The following NCAM2 variants were observed in gnomAD, a reference collection of about 807,000 sequenced individuals.
The protein encoded by NCAM2 is N-CAM-2.
NCAM2 carries 30 observed loss-of-function variants against 98.1 expected under a neutral mutation model. The ratio of observed to expected loss-of-function variants is 0.31; its 90% CI spans 0.23 to 0.41. NCAM2 has a LOEUF of 0.41. NCAM2 is among the 10% of genes least tolerant of loss of function. NCAM2 has a pLI of 1.00. For synonymous variants in NCAM2, 368 were observed against 342.4 expected, an observed-to-expected ratio of 1.07 and a Z score of -0.83; for missense variants, 867 against 1,005.8, an observed-to-expected ratio of 0.86 and a Z score of 1.87.
chr21:21,355,286 T>A (rs371509557), intron 8 of NCAM2, among the ~76,000 whole-genome samples: 1 of 151,156 alleles, frequency 6.6e-6, no homozygotes, highest in Non-Finnish European at 1.5e-5. Context: ...ATACAAAAAA[T>A]TAGCCGAGCC....
chr21:21,058,704 T>C (rs900480307), intron 1 of NCAM2, among the ~76,000 whole-genome samples: 1 of 151,984 alleles, frequency 6.6e-6, no homozygotes, highest in African/African-American at 2.4e-5. Flanking sequence ...ACTTCTACAT[T>C]GACCCATTGA....
intron 8 of NCAM2, among the ~76,000 whole-genome samples, chr21:21,344,263 C>A (rs1257127464): frequency 6.6e-6 from 1 of 152,088 alleles, no homozygotes; most frequent in Non-Finnish European, 1.5e-5. Flanking sequence ...ACGTCAAGGG[C>A]TTTGATAAGC....
At chr21:21,440,492 G>A (rs562652765) in intron 12 of NCAM2, among the ~76,000 whole-genome samples, 3 of 152,072 alleles carry the variant, frequency 2.0e-5, no homozygotes, top group Non-Finnish European at 4.4e-5. Context: ...GACCAACCTG[G>A]GCAACATGGC....
At chr21:21,308,914 T>G (rs1335346886) in intron 5 of NCAM2, among the ~76,000 whole-genome samples, 1 of 152,214 alleles carries the variant, frequency 6.6e-6, no homozygotes, top group Admixed American at 6.5e-5. Context: ...AATCTTTTCT[T>G]TGGCAATGTT....
At chr21:21,478,616 C>A (rs1440973371) in intron 15 of NCAM2, among the ~76,000 whole-genome samples, 1 of 151,806 alleles carries the variant, frequency 6.6e-6, no homozygotes, top group Non-Finnish European at 1.5e-5. Context: ...GATATTAGAG[C>A]TTTATATTGC....
In NCAM2 at chr21:21,183,521, G is replaced by A. The variant is rs140248070; in HGVS notation, c.56-97057G>A. ...TGGGAGGTAAGGACATGAGGAAATG[G>A]TAAGGGGAGAGACCTTGTTAATCTT... On this transcript the variant is annotated intron_variant, in intron 1 of 17. Coordinates refer to ENST00000400546, the MANE Select transcript of NCAM2 (RefSeq NM_004540.5). 2.1e-3 allele frequency among the ~76,000 whole-genome samples: 322 copies of A among 152,230 alleles called. 2 individuals are homozygous for A. The highest frequency in any genetic ancestry group is 7.5e-3 in the African/African-American group (313 of 41,538).
intron 1 of NCAM2, among the ~76,000 whole-genome samples, chr21:21,135,352 A>G (rs2067027113): frequency 6.6e-6 from 1 of 151,666 alleles, no homozygotes; most frequent in South Asian, 2.1e-4. Flanking sequence ...GTTGTATTTC[A>G]TTTTTGTGCC....
Position 21,410,311 on chromosome 21 carries a change from C to T in NCAM2, c.1233C>T (p.Tyr411=). The T allele has an allele frequency of 1.3e-6, 2 of 1,587,124 alleles. No homozygotes were observed. Among genetic ancestry groups the T allele is most frequent in the Non-Finnish European group, 1.7e-6 (2 of 1,165,902 alleles). ...PKFISNQTIY[Y]SWEGNPINIS... ...TTATATCAAACCAAACAATTTATTACTCTTGGGAAGGAAATCCTATCAATA... is the reference window on the plus strand; with the variant it reads ...TTATATCAAACCAAACAATTTATTATTCTTGGGAAGGAAATCCTATCAATA... The change falls in exon 10 of 18, where the codon TAC becomes TAT. Residue 411 remains tyrosine, a synonymous_variant. Coordinates refer to ENST00000400546, the MANE Select transcript of NCAM2 (RefSeq NM_004540.5).
intron 1 of NCAM2, among the ~76,000 whole-genome samples, chr21:21,096,023 CA>C (rs1448575009): frequency 6.6e-6 from 1 of 151,566 alleles, no homozygotes; most frequent in East Asian, 1.9e-4. Context: ...TTATGAGAAA[CA>C]GGAAAGACCT....
intron 1 of NCAM2, among the ~76,000 whole-genome samples, chr21:21,164,843 A>G (rs560085524): frequency 6.6e-6 from 1 of 152,296 alleles, no homozygotes; most frequent in South Asian, 2.1e-4. Flanking sequence ...CTCTCATGTG[A>G]AGAAAAGACA....
intron 1 of NCAM2, among the ~76,000 whole-genome samples, chr21:21,079,400 C>T (rs2065746274): frequency 6.6e-6 from 1 of 152,026 alleles, no homozygotes; most frequent in African/African-American, 2.4e-5. Context: ...AAGATGAAAA[C>T]ACATTTCTGA....
intron 15 of NCAM2, among the ~76,000 whole-genome samples, chr21:21,477,809 A>G (rs1480916784): frequency 6.6e-6 from 1 of 152,182 alleles, no homozygotes; most frequent in Non-Finnish European, 1.5e-5. Context: ...TTCTCTGCCA[A>G]TCATGTGGAG....
intron 1 of NCAM2, among the ~76,000 whole-genome samples, chr21:21,159,430 T>C (rs1277207842): frequency 1.3e-5 from 2 of 152,208 alleles, no homozygotes; most frequent in Non-Finnish European, 2.9e-5. Context: ...TGAGGTCATG[T>C]CCTGCAAGCT....
At chr21:21,284,053 T>C (rs1031444918) in intron 2 of NCAM2, 141 bp from the exon 3 acceptor site, 15 of 655,612 alleles carry the variant, frequency 2.3e-5, no homozygotes, top group Non-Finnish European at 3.9e-5. Flanking sequence ...TTACTTTAAG[T>C]TTTGTAAGAT....
At chr21:21,372,120 A>C (rs1237651911) in intron 8 of NCAM2, among the ~76,000 whole-genome samples, 1 of 151,858 alleles carries the variant, frequency 6.6e-6, no homozygotes, top group African/African-American at 2.4e-5. Context: ...AAATAATGAC[A>C]CATTATATAA....
At chr21:21,508,077 A>G (rs761493843) in intron 15 of NCAM2, among the ~76,000 whole-genome samples, 14 of 151,970 alleles carry the variant, frequency 9.2e-5, no homozygotes, top group Non-Finnish European at 1.8e-4. Flanking sequence ...TCTTCTTCCT[A>G]TTCACCTCTT....
intron 12 of NCAM2, among the ~76,000 whole-genome samples, chr21:21,436,257 A>G (rs115689804): frequency 1.0e-3 from 157 of 152,324 alleles, no homozygotes; most frequent in African/African-American, 3.1e-3. Context: ...TGTGATTTCA[A>G]TGAGTCACTA....
At chr21:21,222,314 T>G (rs539138432) in intron 1 of NCAM2, among the ~76,000 whole-genome samples, 1 of 152,304 alleles carries the variant, frequency 6.6e-6, no homozygotes, top group African/African-American at 2.4e-5. Context: ...CTTTCAAGTC[T>G]TATTATTAAA....
chr21:21,265,052 C>CTGTGTATATATATACACA (rs1568855548), intron 1 of NCAM2, among the ~76,000 whole-genome samples: 5 of 4,544 alleles, frequency 1.1e-3, no homozygotes, highest in East Asian at 0.022. Context: ...CACATATATA[C>CTGTGTATATATATACACA]TATATATGTG....
Sources: gnomAD v4.1 joint callset for allele counts (sites outside exome capture counted in the v4.1 genomes callset) on GRCh38, gnomAD v4.1.1 for gene constraint, MANE v1.5 for transcripts, NCBI Gene and HGNC (gene_info 2026-07-23, HGNC 2026-07-21) for gene names.